Variants in HDX observed in about 807,000 individuals in gnomAD.
HDX encodes highly divergent homeobox, also known as chromosome X open reading frame 43.
Under a neutral mutation model 45.2 loss-of-function variants are expected in HDX, and 19 were observed. The ratio of observed to expected loss-of-function variants is 0.42; its 90% CI spans 0.29 to 0.62. The LOEUF is 0.62. Ranked by LOEUF, HDX falls within the 20% of genes least tolerant of loss-of-function variation. The probability of loss-of-function intolerance (pLI) is 0.20; values close to 1 mark genes in which losing one functional copy is unlikely to be tolerated. For synonymous variants in HDX, 188 were observed against 172.8 expected, an observed-to-expected ratio of 1.09 and a Z score of -0.69; for missense variants, 532 against 493.9, an observed-to-expected ratio of 1.08 and a Z score of -0.73.
chrX:84,447,238 C>T (rs2039893846), intron 4 of HDX, among the ~76,000 whole-genome samples: 1 of 111,747 alleles, frequency 8.9e-6, no homozygotes, highest in African/African-American at 3.3e-5. Flanking sequence ...CTGGTATTCA[C>T]CTCCTCCACA....
In HDX at chrX:84,445,351, T is replaced by A. The variant is rs190644664; in HGVS notation, c.1252-4766A>T. ...CATAAATCAGTGTTTTAGCTTTCCA[T>A]CAGTTGTTTTAGTATTAGCTGAGCA... On this transcript the variant is annotated intron_variant, in intron 4 of 10. Coordinates refer to ENST00000373177, the MANE Select transcript of HDX (RefSeq NM_001177479.2). Among the ~76,000 whole-genome samples the A allele has an allele frequency of 3.0e-4, 34 of 111,571 alleles. No homozygotes were observed. The East Asian group carries it at 8.4e-3, about 28-fold the overall frequency.
chrX:84,431,267 T>C (rs939077197), intron 5 of HDX, among the ~76,000 whole-genome samples: 31 of 111,024 alleles, frequency 2.8e-4, no homozygotes, highest in African/African-American at 9.8e-4. Flanking sequence ...GCACTTATGG[T>C]TGATTTCATG....
chrX:84,497,441 G>A (rs1353464258), intron 1 of HDX, among the ~76,000 whole-genome samples: 1 of 111,451 alleles, frequency 9.0e-6, no homozygotes, highest in Non-Finnish European at 1.9e-5. Flanking sequence ...TATAATCTAT[G>A]TTTTAATAAA....
chrX:84,395,268 A>G (rs1050668670), intron 5 of HDX, among the ~76,000 whole-genome samples: 2 of 110,289 alleles, frequency 1.8e-5, no homozygotes, highest in Admixed American at 1.9e-4. Flanking sequence ...GTTGTGATAA[A>G]TTCTATCAGC....
chrX:84,429,280 G>C (rs1602439112), intron 5 of HDX, among the ~76,000 whole-genome samples: 1 of 48,567 alleles, frequency 2.1e-5, no homozygotes, highest in Non-Finnish European at 6.3e-5. Context: ...TAGGGAAAAT[G>C]ATATCTTAGC....
chrX:84,457,717 A>G (rs1350301726), intron 4 of HDX, among the ~76,000 whole-genome samples: 1 of 111,547 alleles, frequency 9.0e-6, no homozygotes, highest in Admixed American at 9.5e-5. Flanking sequence ...AAAAATCATA[A>G]ATTATGTTTC....
At chrX:84,347,571 G>A (rs1023169583) in intron 6 of HDX, among the ~76,000 whole-genome samples, 42 of 111,138 alleles carry the variant, frequency 3.8e-4, no homozygotes, top group African/African-American at 1.3e-3. Flanking sequence ...CTGCATTTCT[G>A]ACCTATATGA....
intron 2 of HDX, among the ~76,000 whole-genome samples, chrX:84,479,419 T>C (rs1049733242): frequency 2.7e-5 from 3 of 112,073 alleles, no homozygotes; most frequent in African/African-American, 9.7e-5. Flanking sequence ...TAAAGTCGTA[T>C]TTTATTGTAT....
intron 4 of HDX, among the ~76,000 whole-genome samples, chrX:84,466,294 A>ATT (rs922627992): frequency 9.0e-6 from 1 of 111,107 alleles, no homozygotes; most frequent in African/African-American, 3.3e-5. Flanking sequence ...CCTTGCATAG[A>ATT]TTTTTTTTTC....
intron 1 of HDX, among the ~76,000 whole-genome samples, chrX:84,495,134 T>TAA (rs771000223): frequency 2.0e-5 from 2 of 100,019 alleles, no homozygotes; most frequent in African/African-American, 7.2e-5. Flanking sequence ...ATGTGGAATC[T>TAA]AAAAAAAAAA....
intron 2 of HDX, among the ~76,000 whole-genome samples, chrX:84,484,717 T>C (rs974826970): frequency 8.9e-6 from 1 of 112,118 alleles, no homozygotes; most frequent in African/African-American, 3.2e-5. Flanking sequence ...AAAATAGCCA[T>C]TTTGACTGGT....
At chrX:84,490,377 C>A (rs1200405875) in intron 1 of HDX, among the ~76,000 whole-genome samples, 2 of 111,776 alleles carry the variant, frequency 1.8e-5, no homozygotes, top group Admixed American at 9.5e-5. Flanking sequence ...CTAAATTATC[C>A]TTTTATTTCT....
intron 2 of HDX, among the ~76,000 whole-genome samples, chrX:84,481,118 G>T (rs1449529711): frequency 1.8e-5 from 2 of 111,107 alleles, no homozygotes; most frequent in Admixed American, 9.6e-5. Context: ...AAAGGTATAA[G>T]GTTGTTTATT....
At chrX:84,476,609 G>T (rs1012861303) in intron 2 of HDX, among the ~76,000 whole-genome samples, 7 of 103,578 alleles carry the variant, frequency 6.8e-5, no homozygotes, top group Non-Finnish European at 1.2e-4. Context: ...GAAAAGAAAA[G>T]AAAAAAGAAA....
chrX:84,488,954 A>C, intron 1 of HDX, among the ~76,000 whole-genome samples: 1 of 111,367 alleles, frequency 9.0e-6, no homozygotes, highest in African/African-American at 3.3e-5. Context: ...TCATGCTGTC[A>C]GTGGGCTTGC....
chrX:84,345,155 G>T lies in HDX; in HGVS notation c.1453-698C>A, dbSNP rs1207018098. Among the ~76,000 whole-genome samples, 3 of 111,109 alleles carry T rather than the reference G, an allele frequency of 2.7e-5. No homozygotes were observed. The East Asian group carries it at 8.6e-4, about 32-fold the overall frequency. On this transcript the variant is annotated intron_variant, in intron 6 of 10. Transcript: ENST00000373177. The stretch of plus-strand genomic sequence containing the variant: ...TGTAATGAAATCATTTTAGAGTAAT[G>T]GGAAGTTTCAAAGATAAGTCTTGTT...
chrX:84,450,539 A>G (rs750065652), intron 4 of HDX, among the ~76,000 whole-genome samples: 123 of 112,098 alleles, frequency 1.1e-3, no homozygotes, highest in Non-Finnish European at 2.2e-3. Context: ...ACCAAGATAT[A>G]CAATGCAAAT....
intron 4 of HDX, among the ~76,000 whole-genome samples, chrX:84,459,895 G>C (rs1329341209): frequency 1.8e-5 from 2 of 111,211 alleles, no homozygotes; most frequent in Non-Finnish European, 3.8e-5. Context: ...GATCATTAGA[G>C]GCTATAATGA....
chrX:84,380,559 C>A (rs2038164704), intron 5 of HDX, among the ~76,000 whole-genome samples: 1 of 111,314 alleles, frequency 9.0e-6, no homozygotes, highest in African/African-American at 3.3e-5. Context: ...GGTATGCGAG[C>A]ATGGTTCAAC....
Sources: allele counts gnomAD v4.1 joint callset (sites outside exome capture counted in the v4.1 genomes callset), GRCh38; gene constraint gnomAD v4.1.1; transcripts MANE v1.5; gene names NCBI Gene and HGNC (gene_info 2026-07-23, HGNC 2026-07-21).